LRRTM4: variants seen among roughly 807,000 people sequenced by gnomAD.
LRRTM4 encodes the protein leucine-rich repeat transmembrane neuronal protein 4.
LRRTM4 carries 25 observed loss-of-function variants against 47.6 expected under a neutral mutation model. The ratio of observed to expected loss-of-function variants is 0.53; its 90% CI spans 0.38 to 0.73. LRRTM4 has a LOEUF of 0.73. Among genes scored for constraint, LRRTM4 ranks in the 30% least tolerant of loss-of-function variants. The pLI, the probability that LRRTM4 is intolerant of heterozygous loss-of-function variation, is 0.00. For synonymous variants in LRRTM4, 311 were observed against 269.5 expected, an observed-to-expected ratio of 1.15 and a Z score of -1.51; for missense variants, 638 against 713.4, an observed-to-expected ratio of 0.89 and a Z score of 1.20.
At chr2:76,807,881 T>C (rs995808763) in intron 3 of LRRTM4, among the ~76,000 whole-genome samples, 8 of 151,522 alleles carry the variant, frequency 5.3e-5, no homozygotes, top group African/African-American at 1.9e-4. Context: ...GCACCCGGCC[T>C]ATTTTCTTTT....
chr2:76,751,073 A>G (rs1183206777), intron 3 of LRRTM4, among the ~76,000 whole-genome samples: 1 of 152,234 alleles, frequency 6.6e-6, no homozygotes, highest in Non-Finnish European at 1.5e-5. Flanking sequence ...GTACTGGGAC[A>G]CATTTTGAAG....
At chr2:77,202,767 C>T (rs1263521601) in intron 3 of LRRTM4, among the ~76,000 whole-genome samples, 1 of 151,588 alleles carries the variant, frequency 6.6e-6, no homozygotes, top group Non-Finnish European at 1.5e-5. Flanking sequence ...TTGTTTGTTT[C>T]ATGTTATATT....
chr2:76,999,530 A>G (rs1259865101), intron 3 of LRRTM4, among the ~76,000 whole-genome samples: 1 of 152,110 alleles, frequency 6.6e-6, no homozygotes, highest in East Asian at 1.9e-4. Context: ...TTAAAAATCA[A>G]CATATATTGA....
intron 3 of LRRTM4, among the ~76,000 whole-genome samples, chr2:77,058,614 C>T (rs1190638739): frequency 1.3e-5 from 2 of 151,752 alleles, no homozygotes; most frequent in Non-Finnish European, 2.9e-5. Context: ...CATTGTATTC[C>T]CAATATATTT....
In LRRTM4 at chr2:77,492,316, G is replaced by A. The variant is rs541214797; in HGVS notation, c.1551+26002C>T. ...TGCTCGTCACTCGGGCTGGAGTGCC[G>A]TGGCATGAACATAGCTGACTGTCAC... On this transcript the variant is annotated intron_variant, in intron 3 of 3. Coordinates refer to ENST00000409884, the MANE Select transcript of LRRTM4 (RefSeq NM_001134745.3). 1.1e-3 allele frequency among the ~76,000 whole-genome samples: 169 copies of A among 152,120 alleles called. 2 individuals carry two copies. Among genetic ancestry groups the A allele is most frequent in the South Asian group, 9.9e-3 (47 of 4,742 alleles).
At chr2:77,512,986 C>T (rs1297960765) in intron 3 of LRRTM4, among the ~76,000 whole-genome samples, 3 of 152,172 alleles carry the variant, frequency 2.0e-5, no homozygotes, top group Admixed American at 6.6e-5. Flanking sequence ...TCACCACTAC[C>T]ATTTGTGAAT....
chr2:76,795,117 T>A (rs1272889401), intron 3 of LRRTM4, among the ~76,000 whole-genome samples: 3 of 151,380 alleles, frequency 2.0e-5, no homozygotes, highest in Admixed American at 1.3e-4. Context: ...TACCGAGAGA[T>A]TTACTAACAA....
intron 3 of LRRTM4, among the ~76,000 whole-genome samples, chr2:77,275,163 C>G (rs1452671067): frequency 6.6e-6 from 1 of 152,152 alleles, no homozygotes; most frequent in African/African-American, 2.4e-5. Context: ...TAAATAATCT[C>G]TTTTCTTAAA....
At chr2:76,855,520 C>T (rs1256143572) in intron 3 of LRRTM4, among the ~76,000 whole-genome samples, 4 of 152,100 alleles carry the variant, frequency 2.6e-5, no homozygotes, top group East Asian at 1.9e-4. Context: ...AGATTAGTGC[C>T]GAAGTAAATA....
chr2:77,463,670 A>G (rs1361834139), intron 3 of LRRTM4, among the ~76,000 whole-genome samples: 1 of 152,086 alleles, frequency 6.6e-6, no homozygotes, highest in Non-Finnish European at 1.5e-5. Flanking sequence ...TCTCATTCAC[A>G]GACCTTGTTA....
At chr2:77,011,604 G>T (rs1280906407) in intron 3 of LRRTM4, among the ~76,000 whole-genome samples, 1 of 150,740 alleles carries the variant, frequency 6.6e-6, no homozygotes, top group South Asian at 2.1e-4. Flanking sequence ...TGAAATACAT[G>T]AGAACAAACT....
chr2:77,155,219 T>A (rs1337376808), intron 3 of LRRTM4, among the ~76,000 whole-genome samples: 1 of 151,976 alleles, frequency 6.6e-6, no homozygotes, highest in African/African-American at 2.4e-5. Flanking sequence ...TTATTTTCTA[T>A]TTTTTATATG....
chr2:76,777,234 C>G (rs952293056), intron 3 of LRRTM4, among the ~76,000 whole-genome samples: 1 of 150,190 alleles, frequency 6.7e-6, no homozygotes, highest in Admixed American at 6.6e-5. Flanking sequence ...ATTGACTTGG[C>G]CATGCGGGCT....
At chr2:77,370,790 G>T (rs1042870732) in intron 3 of LRRTM4, among the ~76,000 whole-genome samples, 1 of 151,618 alleles carries the variant, frequency 6.6e-6, no homozygotes, top group East Asian at 1.9e-4. Flanking sequence ...TTATTATTAA[G>T]AATTTCTCTG....
At chr2:76,983,767 C>A (rs1676694432) in intron 3 of LRRTM4, among the ~76,000 whole-genome samples, 1 of 151,986 alleles carries the variant, frequency 6.6e-6, no homozygotes, top group African/African-American at 2.4e-5. Context: ...TTCACAAATT[C>A]AACTTTGTAA....
At chr2:76,968,620 T>G (rs896086443) in intron 3 of LRRTM4, among the ~76,000 whole-genome samples, 7 of 151,484 alleles carry the variant, frequency 4.6e-5, no homozygotes, top group Non-Finnish European at 7.4e-5. Context: ...CTGTTTGGGG[T>G]TAGGCAGAAG....
At chr2:77,071,939 A>T (rs765207521) in intron 3 of LRRTM4, among the ~76,000 whole-genome samples, 1 of 152,174 alleles carries the variant, frequency 6.6e-6, no homozygotes, top group Non-Finnish European at 1.5e-5. Context: ...TGGGTGGTAT[A>T]AAGTATGAGA....
intron 3 of LRRTM4, among the ~76,000 whole-genome samples, chr2:77,492,304 G>A (rs900466953): frequency 2.6e-5 from 4 of 152,032 alleles, no homozygotes; most frequent in Non-Finnish European, 5.9e-5. Context: ...TCGTCACTCG[G>A]GCTGGAGTGC....
At chr2:76,819,252 AAT>A (rs34907672) in intron 3 of LRRTM4, among the ~76,000 whole-genome samples, 49,490 of 151,304 alleles carry the variant, frequency 0.33, 8,674 homozygotes, top group East Asian at 0.6. Context: ...TGTTTTTAAA[AAT>A]ATATGAGACA....
Sources: gnomAD v4.1 joint callset for allele counts (sites outside exome capture counted in the v4.1 genomes callset) on GRCh38, gnomAD v4.1.1 for gene constraint, MANE v1.5 for transcripts, NCBI Gene and HGNC (gene_info 2026-07-23, HGNC 2026-07-21) for gene names.